The following RYR2 variants were observed in gnomAD, a reference collection of about 807,000 sequenced individuals.
The protein encoded by RYR2 is ryanodine receptor 2.
RYR2 carries 227 observed loss-of-function variants against 601.1 expected under a neutral mutation model. The ratio of observed to expected loss-of-function variants is 0.38; its 90% CI spans 0.34 to 0.42. The LOEUF (loss-of-function observed/expected upper bound fraction) is 0.42. RYR2 is among the 10% of genes least tolerant of loss of function. The pLI is 1.00. For synonymous variants in RYR2, 2,223 were observed against 2,175.1 expected, an observed-to-expected ratio of 1.02 and a Z score of -0.61; for missense variants, 4,646 against 6,156.5, an observed-to-expected ratio of 0.75 and a Z score of 8.21.
intron 86 of RYR2, 66 bp from the exon 87 acceptor site, chr1:237,773,454 A>G (rs1694424090): frequency 6.8e-6 from 8 of 1,172,058 alleles, no homozygotes; most frequent in Middle Eastern, 2.5e-4. Context: ...AAAGTCCAAG[A>G]CTGGTTAGTC....
At chr1:237,535,366 T>C (rs1668501635) in intron 25 of RYR2, among the ~76,000 whole-genome samples, 2 of 151,954 alleles carry the variant, frequency 1.3e-5, no homozygotes, top group African/African-American at 4.8e-5. Flanking sequence ...AAATGTACAT[T>C]AAAACTTTCT....
intron 20 of RYR2, among the ~76,000 whole-genome samples, chr1:237,497,849 A>AT (rs1240204485): frequency 1.3e-5 from 2 of 151,550 alleles, no homozygotes; most frequent in Non-Finnish European, 2.9e-5. Context: ...CTGTATTTTG[A>AT]TTTTTTGTGA....
chr1:237,319,131 A>G (rs1391515288), intron 2 of RYR2, among the ~76,000 whole-genome samples: 1 of 151,928 alleles, frequency 6.6e-6, no homozygotes, highest in East Asian at 1.9e-4. Flanking sequence ...TCAAATACAG[A>G]TTTTCCATTT....
intron 12 of RYR2, among the ~76,000 whole-genome samples, chr1:237,432,799 T>C (rs1203075392): frequency 2.6e-5 from 4 of 152,092 alleles, no homozygotes; most frequent in Non-Finnish European, 5.9e-5. Context: ...ATCATTATCA[T>C]CAGCATCATT....
intron 1 of RYR2, among the ~76,000 whole-genome samples, chr1:237,134,280 AT>A (rs11339168): frequency 0.038 from 5,752 of 152,068 alleles, 189 homozygotes; most frequent in South Asian, 0.15. Flanking sequence ...GTGTTCAGTT[AT>A]TTTTTTTAAT....
intron 1 of RYR2, among the ~76,000 whole-genome samples, chr1:237,248,049 A>G (rs981759252): frequency 6.6e-6 from 1 of 152,114 alleles, no homozygotes; most frequent in Non-Finnish European, 1.5e-5. Context: ...CAAGGTGGGC[A>G]GATCACGAGG....
At chr1:237,081,705 C>T (rs1019834891) in intron 1 of RYR2, among the ~76,000 whole-genome samples, 1 of 152,004 alleles carries the variant, frequency 6.6e-6, no homozygotes, top group African/African-American at 2.4e-5. Context: ...GTTTTATTGG[C>T]TTTTATCAGG....
At chr1:237,316,474 T>C (rs2787106) in intron 2 of RYR2, among the ~76,000 whole-genome samples, 46,732 of 152,084 alleles carry the variant, frequency 0.31, 7,339 homozygotes, top group South Asian at 0.37. Flanking sequence ...TAGTTTCAGA[T>C]CCAAAGGCTC....
At chr1:237,358,638 C>T (rs1473678659) in intron 4 of RYR2, among the ~76,000 whole-genome samples, 6 of 151,896 alleles carry the variant, frequency 4.0e-5, no homozygotes, top group Non-Finnish European at 4.4e-5. Flanking sequence ...TCTTGGTGGC[C>T]TCTGAGACAA....
At chr1:237,279,332 C>T (rs1690616555) in intron 2 of RYR2, among the ~76,000 whole-genome samples, 1 of 152,172 alleles carries the variant, frequency 6.6e-6, no homozygotes, top group African/African-American at 2.4e-5. Flanking sequence ...ACTCTCTATA[C>T]TGCTGAGTCT....
chr1:237,638,514 T>C, intron 45 of RYR2, 22 bp downstream of exon 45: 1 of 1,612,200 alleles, frequency 6.2e-7, no homozygotes, highest in Non-Finnish European at 8.5e-7. Context: ...TTTCTTGAGG[T>C]CTTTTGAGTT....
At chr1:237,112,538 T>A (rs990469614) in intron 1 of RYR2, among the ~76,000 whole-genome samples, 1 of 148,998 alleles carries the variant, frequency 6.7e-6, no homozygotes. Context: ...GGAGGAGAAC[T>A]TCCCCCTACC....
At chr1:237,770,770 T>C (rs778395485) in intron 84 of RYR2, 37 bp from the exon 85 acceptor site, 1 of 1,345,594 alleles carries the variant, frequency 7.4e-7, no homozygotes, top group African/African-American at 1.5e-5. Flanking sequence ...CAGGCTGGGG[T>C]GGCTGGTAAT....
intron 98 of RYR2, among the ~76,000 whole-genome samples, chr1:237,803,409 T>TCC (rs1660214873): frequency 6.6e-6 from 1 of 152,062 alleles, no homozygotes; most frequent in Non-Finnish European, 1.5e-5. Context: ...GTTCACACCA[T>TCC]TCTGCCTCAG....
At chr1:237,187,316 C>T (rs1679462539) in intron 1 of RYR2, among the ~76,000 whole-genome samples, 2 of 151,402 alleles carry the variant, frequency 1.3e-5, no homozygotes, top group South Asian at 4.2e-4. Context: ...GATTACAGGT[C>T]TCTAGTAGAG....
intron 58 of RYR2, among the ~76,000 whole-genome samples, chr1:237,669,143 T>A (rs890341704): frequency 2.1e-5 from 3 of 139,620 alleles, no homozygotes; most frequent in Non-Finnish European, 4.9e-5. Context: ...CCTTAATCCA[T>A]TTAACCCTGA....
intron 57 of RYR2, 131 bp from the exon 58 acceptor site, chr1:237,667,752 G>C: frequency 4.8e-6 from 3 of 624,030 alleles, no homozygotes; most frequent in Non-Finnish European, 8.1e-6. Context: ...AAGAGTGTTT[G>C]ATATCTTTTA....
intron 25 of RYR2, among the ~76,000 whole-genome samples, chr1:237,536,854 C>A (rs939714808): frequency 4.6e-5 from 7 of 151,162 alleles, no homozygotes; most frequent in African/African-American, 1.7e-4. Context: ...CCACTGCACT[C>A]CAGCCTGGGC....
At chr1:237,243,772 C>T (rs1210655579) in intron 1 of RYR2, among the ~76,000 whole-genome samples, 2 of 152,174 alleles carry the variant, frequency 1.3e-5, no homozygotes, top group Non-Finnish European at 2.9e-5. Context: ...GGGCGGAACA[C>T]ACCCAACATT....
Sources: allele counts gnomAD v4.1 joint callset (sites outside exome capture counted in the v4.1 genomes callset), GRCh38; gene constraint gnomAD v4.1.1; transcripts MANE v1.5; gene names NCBI Gene and HGNC (gene_info 2026-07-23, HGNC 2026-07-21).